The following FAM78B variants were observed in gnomAD, a reference collection of about 807,000 sequenced individuals.
FAM78B encodes the protein protein FAM78B.
In FAM78B, 10 loss-of-function variants were observed where a neutral mutation model predicts 20.0. The ratio of observed to expected loss-of-function variants is 0.50; its 90% CI spans 0.31 to 0.85. The LOEUF is 0.85. Ranked by LOEUF, FAM78B falls within the 40% of genes least tolerant of loss-of-function variation. The pLI, the probability that FAM78B is intolerant of heterozygous loss-of-function variation, is 0.05. For synonymous variants in FAM78B, 135 were observed against 132.8 expected, an observed-to-expected ratio of 1.02 and a Z score of -0.12; for missense variants, 283 against 345.0, an observed-to-expected ratio of 0.82 and a Z score of 1.42.
intron 1 of FAM78B, among the ~76,000 whole-genome samples, chr1:166,157,275 T>C (rs925488540): frequency 6.6e-6 from 1 of 152,126 alleles, no homozygotes; most frequent in East Asian, 1.9e-4. Flanking sequence ...AGTCATCCTC[T>C]AGCAATAATA....
At chr1:166,078,242 G>C (rs1029000162) in intron 1 of FAM78B, among the ~76,000 whole-genome samples, 1 of 151,912 alleles carries the variant, frequency 6.6e-6, no homozygotes. Context: ...ATGTTAGCCA[G>C]GATGGTCTCA....
intron 1 of FAM78B, among the ~76,000 whole-genome samples, chr1:166,105,033 C>A (rs1653711890): frequency 6.6e-6 from 1 of 152,020 alleles, no homozygotes; most frequent in African/African-American, 2.4e-5. Context: ...CAGAACAGGG[C>A]CCTCAGAAAT....
At position 166,152,327 on chromosome 1, in the gene FAM78B, G is replaced by A. The variant is rs576133146; in HGVS notation, c.263+13659C>T. 1.8e-3 allele frequency among the ~76,000 whole-genome samples: 271 copies of A among 152,322 alleles called. 4 individuals are homozygous for A. The highest frequency in any genetic ancestry group is 1.8e-3 in the Non-Finnish European group (121 of 68,032). Reference sequence around the variant, plus strand: ...CCTTGCCCGGGCCTTTCAGTTCCACGCTGGCGGGATGCGGCAGGACCAAAG... The same window carrying A: ...CCTTGCCCGGGCCTTTCAGTTCCACACTGGCGGGATGCGGCAGGACCAAAG... On this transcript the variant is annotated intron_variant, in intron 1 of 1. Transcript: ENST00000354422.
At chr1:166,056,498 C>A (rs1173128523), downstream of FAM78B, among the ~76,000 whole-genome samples, 1 of 152,120 alleles carries the variant, frequency 6.6e-6, no homozygotes, top group Non-Finnish European at 1.5e-5. Context: ...CACCTCAAGA[C>A]CTCTCTTCCA....
intron 2 of FAM78B, among the ~76,000 whole-genome samples, chr1:166,063,571 T>A (rs561283692): frequency 5.3e-5 from 8 of 151,914 alleles, no homozygotes; most frequent in Admixed American, 1.3e-4. Context: ...AAAATAATAA[T>A]AAAAATATTC....
intron 1 of FAM78B, among the ~76,000 whole-genome samples, chr1:166,077,789 ATATAAT>A (rs1162418762): frequency 6.7e-5 from 9 of 134,980 alleles, no homozygotes; most frequent in Non-Finnish European, 1.1e-4. Context: ...TAATAAATAC[ATATAAT>A]TATATATATT....
At chr1:166,157,429 G>C (rs1655952319) in intron 1 of FAM78B, among the ~76,000 whole-genome samples, 1 of 151,400 alleles carries the variant, frequency 6.6e-6, no homozygotes, top group Admixed American at 6.6e-5. Context: ...AGGTCATGCA[G>C]CTGGCACTGG....
At chr1:166,113,748 AG>A (rs1215303075) in intron 1 of FAM78B, among the ~76,000 whole-genome samples, 17 of 152,198 alleles carry the variant, frequency 1.1e-4, no homozygotes, top group African/African-American at 3.4e-4. Context: ...CAGCAATGAA[AG>A]GGTGTTTCCT....
chr1:166,130,153 T>C (rs1253499964), intron 1 of FAM78B, among the ~76,000 whole-genome samples: 2 of 152,182 alleles, frequency 1.3e-5, no homozygotes, highest in Non-Finnish European at 2.9e-5. Flanking sequence ...CCCATGAGAA[T>C]GTGTCATCCA....
chr1:166,144,623 C>A (rs1016116673), intron 1 of FAM78B, among the ~76,000 whole-genome samples: 1 of 152,118 alleles, frequency 6.6e-6, no homozygotes, highest in African/African-American at 2.4e-5. Flanking sequence ...AGTGAGGTCC[C>A]CATTCATCTT....
intron 1 of FAM78B, among the ~76,000 whole-genome samples, chr1:166,104,100 A>G (rs1653661536): frequency 6.6e-6 from 1 of 152,138 alleles, no homozygotes; most frequent in African/African-American, 2.4e-5. Flanking sequence ...CAACAACAAA[A>G]ACCACATGAT....
intron 1 of FAM78B, among the ~76,000 whole-genome samples, chr1:166,080,755 T>A (rs1652535210): frequency 6.6e-6 from 1 of 152,242 alleles, no homozygotes; most frequent in South Asian, 2.1e-4. Flanking sequence ...GAGTCTCATG[T>A]TCCGTGTCAT....
intron 1 of FAM78B, among the ~76,000 whole-genome samples, chr1:166,160,177 C>T (rs997312133): frequency 1.3e-5 from 2 of 152,158 alleles, no homozygotes; most frequent in Admixed American, 1.3e-4. Context: ...AACTGTGTGA[C>T]CATCTCTATG....
intron 1 of FAM78B, among the ~76,000 whole-genome samples, chr1:166,085,577 A>G (rs1652796657): frequency 6.6e-6 from 1 of 151,054 alleles, no homozygotes. Context: ...TATCAGCTGA[A>G]TGAATGAATG....
At chr1:166,094,025 G>GTA (rs1373115493) in intron 1 of FAM78B, among the ~76,000 whole-genome samples, 1 of 150,926 alleles carries the variant, frequency 6.6e-6, no homozygotes, top group East Asian at 2.0e-4. Flanking sequence ...GTGTGTGTGT[G>GTA]TGTGTGTGTG....
chr1:166,139,827 A>G (rs1223387660), intron 1 of FAM78B, among the ~76,000 whole-genome samples: 1 of 152,208 alleles, frequency 6.6e-6, no homozygotes, highest in Non-Finnish European at 1.5e-5. Context: ...GAGCTGAACC[A>G]GAGAGCTCAT....
chr1:166,157,552 G>T (rs186280916), intron 1 of FAM78B, among the ~76,000 whole-genome samples: 1 of 151,996 alleles, frequency 6.6e-6, no homozygotes, highest in Non-Finnish European at 1.5e-5. Flanking sequence ...GAGGGAGCAG[G>T]GTCCACATGG....
At chr1:166,156,362 C>A (rs930815293) in intron 1 of FAM78B, among the ~76,000 whole-genome samples, 10 of 152,178 alleles carry the variant, frequency 6.6e-5, no homozygotes, top group African/African-American at 2.4e-4. Context: ...GCTGTCTGAG[C>A]CAGAGGTGCC....
chr1:166,107,580 G>A (rs968484091), intron 1 of FAM78B, among the ~76,000 whole-genome samples: 11 of 152,026 alleles, frequency 7.2e-5, no homozygotes, highest in African/African-American at 2.7e-4. Flanking sequence ...AAGAAGCATT[G>A]GTACCAGTCC....
Sources: allele counts gnomAD v4.1 joint callset (sites outside exome capture counted in the v4.1 genomes callset), GRCh38; gene constraint gnomAD v4.1.1; transcripts MANE v1.5; gene names NCBI Gene and HGNC (gene_info 2026-07-23, HGNC 2026-07-21).